The following VKORC1L1 variants were observed in gnomAD, a reference collection of about 807,000 sequenced individuals.
VKORC1L1 encodes vitamin K epoxide reductase complex subunit 1L1, also known as vitamin K epoxide reductase complex subunit 1-like protein 1.
In VKORC1L1, 2 loss-of-function variants were observed where a neutral mutation model predicts 18.9. That is an observed-to-expected ratio of 0.11 (90% CI 0.04 to 0.33). VKORC1L1 has a LOEUF of 0.33. VKORC1L1 is among the 10% of genes least tolerant of loss of function. The pLI, the probability that VKORC1L1 is intolerant of heterozygous loss-of-function variation, is 1.00. For missense variants in VKORC1L1, 123 were observed against 224.1 expected, an observed-to-expected ratio of 0.55 and a Z score of 2.88; for synonymous variants, 96 against 100.0, an observed-to-expected ratio of 0.96 and a Z score of 0.24.
chr7:65,930,498 G>C (rs953057356), intron 1 of VKORC1L1, among the ~76,000 whole-genome samples: 23 of 152,206 alleles, frequency 1.5e-4, no homozygotes, highest in Admixed American at 1.4e-3. Context: ...TGCAGTTATT[G>C]ATCAAGCATT....
intron 1 of VKORC1L1, among the ~76,000 whole-genome samples, chr7:65,904,800 G>GA (rs1789377692): frequency 6.6e-6 from 1 of 152,120 alleles, no homozygotes; most frequent in South Asian, 2.1e-4. Flanking sequence ...AAATGGTCTT[G>GA]AAAAATTCAT....
intron 1 of VKORC1L1, among the ~76,000 whole-genome samples, chr7:65,939,087 A>G (rs979125341): frequency 9.2e-5 from 14 of 152,366 alleles, no homozygotes; most frequent in African/African-American, 3.4e-4. Flanking sequence ...GAAGAACATC[A>G]CGTAAGAGAT....
At chr7:65,869,491 G>A (rs1380889087), upstream of VKORC1L1, among the ~76,000 whole-genome samples, 2 of 152,078 alleles carry the variant, frequency 1.3e-5, no homozygotes, top group East Asian at 1.9e-4. Context: ...TTCCTGTGGC[G>A]GCTTTGGGGA....
At chr7:65,877,513 A>G (rs1266894701) in intron 1 of VKORC1L1, among the ~76,000 whole-genome samples, 1 of 152,052 alleles carries the variant, frequency 6.6e-6, no homozygotes, top group African/African-American at 2.4e-5. Flanking sequence ...ATGCCCGGCT[A>G]ATTTTTGTAT....
rs1378102595 is a variant in VKORC1L1 at position 65,873,151 on chromosome 7, C to T, written c.-221C>T. 2.0e-5 allele frequency: 9 copies of T among 445,706 alleles called. No homozygotes were observed. The highest frequency in any genetic ancestry group is 2.7e-5 in the Non-Finnish European group (9 of 337,246). 27.6% of individuals were successfully genotyped at this position (445,706 alleles called of 1,614,324 possible). On this transcript the variant is annotated 5_prime_UTR_variant, in exon 1 of 3. Transcript: ENST00000360768. ...CCTCCGCGCCCGCGCGCGCCTTCCCCGCCCCGTCCGCCTCACTCCTTTTGG... is the reference window on the plus strand; with the variant it reads ...CCTCCGCGCCCGCGCGCGCCTTCCCTGCCCCGTCCGCCTCACTCCTTTTGG...
intron 1 of VKORC1L1, among the ~76,000 whole-genome samples, chr7:65,908,833 T>C (rs1177195391): frequency 3.9e-5 from 3 of 77,216 alleles, no homozygotes; most frequent in Non-Finnish European, 4.6e-5. Flanking sequence ...CAAGACTCCA[T>C]CTCAAAAAAA....
intron 1 of VKORC1L1, among the ~76,000 whole-genome samples, chr7:65,887,744 A>G (rs1789039592): frequency 6.6e-6 from 1 of 152,214 alleles, no homozygotes; most frequent in South Asian, 2.1e-4. Flanking sequence ...TCATTTTTAA[A>G]GTGTTTACAT....
chr7:65,914,453 C>T (rs1408515142), intron 1 of VKORC1L1, among the ~76,000 whole-genome samples: 2 of 152,102 alleles, frequency 1.3e-5, no homozygotes, highest in Non-Finnish European at 2.9e-5. Context: ...TCTATATCTT[C>T]TGTAAATAAA....
chr7:65,921,148 C>T (rs932114700), intron 1 of VKORC1L1, among the ~76,000 whole-genome samples: 1 of 152,104 alleles, frequency 6.6e-6, no homozygotes, highest in East Asian at 1.9e-4. Flanking sequence ...GTTATAATTT[C>T]TCTCTAAACA....
chr7:65,889,706 CT>C (rs943090787), intron 1 of VKORC1L1, among the ~76,000 whole-genome samples: 1 of 152,238 alleles, frequency 6.6e-6, no homozygotes, highest in African/African-American at 2.4e-5. Flanking sequence ...AAAGTTACCT[CT>C]GTCCTGACTT....
intron 1 of VKORC1L1, among the ~76,000 whole-genome samples, chr7:65,914,879 C>A (rs934870515): frequency 3.9e-5 from 6 of 151,998 alleles, no homozygotes; most frequent in Non-Finnish European, 5.9e-5. Context: ...GTGGCACATG[C>A]CTTGTGGTCC....
intron 1 of VKORC1L1, among the ~76,000 whole-genome samples, chr7:65,905,377 C>T (rs1239363817): frequency 6.6e-6 from 1 of 151,922 alleles, no homozygotes; most frequent in African/African-American, 2.4e-5. Context: ...GTGGCGCGAT[C>T]TCAGCTCACT....
At chr7:65,919,714 C>T (rs972696369) in intron 1 of VKORC1L1, among the ~76,000 whole-genome samples, 3 of 152,126 alleles carry the variant, frequency 2.0e-5, no homozygotes, top group African/African-American at 7.2e-5. Context: ...CATCCTTCTT[C>T]CTCATAGTCT....
intron 1 of VKORC1L1, among the ~76,000 whole-genome samples, chr7:65,935,591 G>C (rs1050591158): frequency 6.6e-6 from 1 of 152,146 alleles, no homozygotes; most frequent in Non-Finnish European, 1.5e-5. Context: ...TTACAGGCAT[G>C]AGCCACTGCA....
intron 2 of VKORC1L1, among the ~76,000 whole-genome samples, chr7:65,952,594 C>G (rs577325919): frequency 2.6e-5 from 4 of 151,992 alleles, no homozygotes; most frequent in Non-Finnish European, 4.4e-5. Context: ...CTGCTCCCAC[C>G]TGTTATTTTG....
intron 1 of VKORC1L1, among the ~76,000 whole-genome samples, chr7:65,937,712 C>T (rs1789966431): frequency 6.6e-6 from 1 of 152,118 alleles, no homozygotes; most frequent in Non-Finnish European, 1.5e-5. Flanking sequence ...GTGTGCCTGG[C>T]TGACACTCAG....
At chr7:65,916,025 C>T (rs1267212044) in intron 1 of VKORC1L1, among the ~76,000 whole-genome samples, 2 of 151,144 alleles carry the variant, frequency 1.3e-5, no homozygotes, top group South Asian at 2.1e-4. Context: ...GCGGGAGAAT[C>T]GCTTGAACCC....
chr7:65,914,168 A>C (rs926024151), intron 1 of VKORC1L1, among the ~76,000 whole-genome samples: 1 of 152,130 alleles, frequency 6.6e-6, no homozygotes, highest in Non-Finnish European at 1.5e-5. Flanking sequence ...CCCAGACTGG[A>C]GTGCAGTGGT....
intron 1 of VKORC1L1, among the ~76,000 whole-genome samples, chr7:65,904,140 A>G (rs1789366277): frequency 6.6e-6 from 1 of 152,216 alleles, no homozygotes; most frequent in Admixed American, 6.5e-5. Context: ...TTTATAACAC[A>G]TGGGAGTAAA....
Sources: gnomAD v4.1 joint callset for allele counts (sites outside exome capture counted in the v4.1 genomes callset) on GRCh38, gnomAD v4.1.1 for gene constraint, MANE v1.5 for transcripts, NCBI Gene and HGNC (gene_info 2026-07-23, HGNC 2026-07-21) for gene names.